The following SSUH2 variants were observed in gnomAD, a reference collection of about 807,000 sequenced individuals.
SSUH2 encodes protein SSUH2 homolog.
Under a neutral mutation model 55.3 loss-of-function variants are expected in SSUH2, and 47 were observed. The ratio of observed to expected loss-of-function variants is 0.85; its 90% CI spans 0.67 to 1.08. The LOEUF is 1.08. SSUH2 is among the 50% of genes least tolerant of loss of function. The pLI is 0.00. For missense variants in SSUH2, 535 were observed against 490.7 expected, an observed-to-expected ratio of 1.09 and a Z score of -0.85; for synonymous variants, 212 against 191.5, an observed-to-expected ratio of 1.11 and a Z score of -0.89.
At position 8,632,159 on chromosome 3, in the gene SSUH2, G is replaced by C. The variant is rs774401276; in HGVS notation, c.340-50C>G. On this transcript the variant is annotated intron_variant, in intron 4 of 11. Coordinates refer to ENST00000544814, the MANE Select transcript of SSUH2 (RefSeq NM_001256748.3). The stretch of plus-strand genomic sequence containing the variant: ...CACACTCGTGCCCCTTATGAAGACA[G>C]AGCATTATGCAAAAAGATGAAGCTG... 4.0e-6 allele frequency: 6 copies of C among 1,501,772 alleles called. No individual in the cohort carries two copies. In the South Asian group the frequency reaches 6.8e-5, roughly 17 times the overall value. The allele number at this position is 1,501,772 out of a possible 1,614,324, so 93.0% of individuals were successfully genotyped here.
intron 1 of SSUH2, among the ~76,000 whole-genome samples, chr3:8,681,452 A>C (rs1316256781): frequency 0.039 from 2,429 of 62,960 alleles, no homozygotes; most frequent in Middle Eastern, 0.073. Flanking sequence ...CTCTTCCCCC[A>C]CTGGCTCTTA....
At chr3:8,634,483 C>T (rs748663238) in intron 3 of SSUH2, 1 of 1,289,858 alleles carries the variant, frequency 7.8e-7, no homozygotes, top group Non-Finnish European at 1.0e-6. Flanking sequence ...CATGGCAGCC[C>T]TGAGAGCCAT....
chr3:8,663,338 C>G (rs1469484009), intron 6 of SSUH2, among the ~76,000 whole-genome samples: 1 of 152,248 alleles, frequency 6.6e-6, no homozygotes, highest in Non-Finnish European at 1.5e-5. Context: ...ATTCACCTAC[C>G]CCCTCCTGTC....
rs114330850 is a variant in SSUH2 at position 8,639,113 on chromosome 3, G to A, written c.29-3256C>T. On this transcript the variant is annotated intron_variant, in intron 1 of 11. Coordinates refer to ENST00000544814, the MANE Select transcript of SSUH2 (RefSeq NM_001256748.3). ...CAGACTCAACTAAGGAGGAGGTGTC[G>A]TTTCCTGTACAGATCTTGACGGGCT... Among the ~76,000 whole-genome samples the A allele has an allele frequency of 8.6e-3, 1,302 of 152,260 alleles. 17 individuals are homozygous for A. The highest frequency in any genetic ancestry group is 0.028 in the African/African-American group (1,161 of 41,530).
intron 7 of SSUH2, among the ~76,000 whole-genome samples, chr3:8,653,411 A>G (rs1244596180): frequency 2.0e-5 from 3 of 152,266 alleles, no homozygotes; most frequent in South Asian, 2.1e-4. Flanking sequence ...AAATTTGCTT[A>G]TAAGTGTGCA....
At chr3:8,674,406 T>A (rs939761794) in intron 3 of SSUH2, among the ~76,000 whole-genome samples, 4 of 152,198 alleles carry the variant, frequency 2.6e-5, no homozygotes, top group African/African-American at 9.6e-5. Context: ...AGAAGGGTTA[T>A]TGGACTGAGG....
At chr3:8,620,644 G>T (rs1199287384) in intron 11 of SSUH2, among the ~76,000 whole-genome samples, 1 of 152,192 alleles carries the variant, frequency 6.6e-6, no homozygotes, top group Non-Finnish European at 1.5e-5. Context: ...CACCAAGTGG[G>T]CACAGGCATC....
In SSUH2 at chr3:8,627,494, G is replaced by A. The variant is rs900791470; in HGVS notation, c.674+204C>T. 25 of 414,590 alleles carry A rather than the reference G, an allele frequency of 6.0e-5. 1 individual carries two copies. The highest frequency in any genetic ancestry group is 4.3e-4 in the African/African-American group (21 of 48,836). The allele number at this position is 414,590 out of a possible 1,614,324, so 25.7% of individuals were successfully genotyped here. A position where few individuals can be genotyped will look rare whatever the true frequency, so the allele number is the denominator to read the frequency against. ...ACTCTTTCCACATATATTGCATGAC[G>A]AGTTCCAGCCTTGTCCAGAAATGCC... On this transcript the variant is annotated intron_variant, in intron 8 of 11. Coordinates refer to ENST00000544814, the MANE Select transcript of SSUH2 (RefSeq NM_001256748.3).
chr3:8,676,949 GA>G (rs1173771752), intron 3 of SSUH2, among the ~76,000 whole-genome samples: 1 of 145,006 alleles, frequency 6.9e-6, no homozygotes, highest in Non-Finnish European at 1.5e-5. Flanking sequence ...AGTACGGGGG[GA>G]AGGCATCCCC....
intron 1 of SSUH2, among the ~76,000 whole-genome samples, chr3:8,637,854 TTGTTTG>T (rs758642481): frequency 6.6e-6 from 1 of 152,150 alleles, no homozygotes; most frequent in African/African-American, 2.4e-5. Flanking sequence ...GTTTGTTTGT[TTGTTTG>T]TTTGTTTGGT....
chr3:8,660,607 C>T (rs1032452090), intron 6 of SSUH2, among the ~76,000 whole-genome samples: 2 of 152,202 alleles, frequency 1.3e-5, no homozygotes, highest in African/African-American at 4.8e-5. Flanking sequence ...GTTACTGCTC[C>T]TTTCCCTGGC....
chr3:8,679,648 C>CAA (rs1705821804), intron 2 of SSUH2: 8 of 197,410 alleles, frequency 4.1e-5, no homozygotes, highest in African/African-American at 1.9e-4. Context: ...GAGCCAGTGC[C>CAA]TCTTCCCCCC....
chr3:8,642,230 G>A (rs1700973195), intron 1 of SSUH2, among the ~76,000 whole-genome samples: 1 of 152,140 alleles, frequency 6.6e-6, no homozygotes, highest in South Asian at 2.1e-4. Context: ...ATAAGGGAGG[G>A]GATTTTTTTC....
intron 2 of SSUH2, among the ~76,000 whole-genome samples, chr3:8,679,515 T>TTC (rs1705806368): frequency 1.9e-5 from 2 of 103,944 alleles, no homozygotes; most frequent in South Asian, 3.3e-4. Context: ...TTTGGGACCC[T>TTC]CATCGCAGGT....
chr3:8,648,013 C>T (rs144603810), upstream of SSUH2, among the ~76,000 whole-genome samples: 1,335 of 152,306 alleles, frequency 8.8e-3, 7 homozygotes, highest in Middle Eastern at 0.027. Context: ...GGGAAACTGG[C>T]ATATCCCTCC....
exon 2 of SSUH2, chr3:8,679,786 C>G (rs576960726): frequency 6.4e-6 from 1 of 155,134 alleles, no homozygotes; most frequent in Admixed American, 6.5e-5. Flanking sequence ...ATTTACTATC[C>G]CACAGGGGTC....
At chr3:8,639,860 C>A in intron 1 of SSUH2, 1 of 716,188 alleles carries the variant, frequency 1.4e-6, no homozygotes, top group Non-Finnish European at 1.7e-6. Flanking sequence ...GCCCCTGTCT[C>A]GTATAAGAAA....
chr3:8,635,657 G>A (rs1699803538), intron 2 of SSUH2, 102 bp downstream of exon 2: 2 of 1,153,012 alleles, frequency 1.7e-6, no homozygotes. Flanking sequence ...CCCCCCCAGG[G>A]AAAGGGGAGC....
rs1705656667 is a variant in SSUH2, at chr3:8,678,734, AG to A, written c.-901+970del. On this transcript the variant is annotated intron_variant, in intron 2 of 18. Coordinates refer to the SSUH2 transcript ENST00000317371. ...TTAGGACCCCCAACGTGGGGGGGGG[AG>A]GCACCACACGCGAGGCGGGGAAAGA... Among the ~76,000 whole-genome samples, 17 of 29,706 alleles carry A rather than the reference AG, an allele frequency of 5.7e-4. 4 individuals are homozygous for A. The highest frequency in any genetic ancestry group is 1.7e-3 in the African/African-American group (12 of 6,864). The allele number at this position is 29,706 out of a possible 152,430, so 19.5% of individuals were successfully genotyped here.
Sources: allele counts gnomAD v4.1 joint callset (sites outside exome capture counted in the v4.1 genomes callset), GRCh38; gene constraint gnomAD v4.1.1; transcripts MANE v1.5; gene names NCBI Gene and HGNC (gene_info 2026-07-23, HGNC 2026-07-21).